The following P2RY12 variants were observed in gnomAD, a reference collection of about 807,000 sequenced individuals.
The protein encoded by P2RY12 is purinergic receptor P2Y12.
In P2RY12, 3 loss-of-function variants were observed where a neutral mutation model predicts 4.5. That is an observed-to-expected ratio of 0.67 (90% CI 0.31 to 1.74). The LOEUF (loss-of-function observed/expected upper bound fraction) is 1.74. P2RY12 is among the 40% of genes most tolerant of loss of function. The pLI is 0.09. For synonymous variants in P2RY12, 148 were observed against 154.1 expected (o/e 0.96, Z 0.29); for missense variants, 356 against 407.8 (o/e 0.87, Z 1.09).
At chr3:151,349,817 C>T (rs1395721405) in intron 1 of P2RY12, among the ~76,000 whole-genome samples, 2 of 150,596 alleles carry the variant, frequency 1.3e-5, no homozygotes, top group Non-Finnish European at 3.0e-5. Context: ...ACGCCCACAT[C>T]AAGTGCTTCT....
chr3:151,378,867 G>T (rs2108092933), intron 1 of P2RY12, among the ~76,000 whole-genome samples: 1 of 152,250 alleles, frequency 6.6e-6, no homozygotes, highest in East Asian at 1.9e-4. Context: ...TTTATTGACT[G>T]CTTACAGAAT....
intron 1 of P2RY12, among the ~76,000 whole-genome samples, chr3:151,361,872 G>T (rs1754648316): frequency 6.6e-6 from 1 of 152,046 alleles, no homozygotes; most frequent in Non-Finnish European, 1.5e-5. Context: ...CTTAGCACTT[G>T]CTACCCCCAC....
chr3:151,355,955 C>A, intron 1 of P2RY12: 1 of 1,614,124 alleles, frequency 6.2e-7, no homozygotes, highest in Non-Finnish European at 8.5e-7. Flanking sequence ...CCTATCATCT[C>A]CCTTTGGCTC....
intron 1 of P2RY12, among the ~76,000 whole-genome samples, chr3:151,347,973 T>C (rs1261892027): frequency 6.6e-6 from 1 of 152,192 alleles, no homozygotes; most frequent in Admixed American, 6.5e-5. Context: ...TCCTGTGCGA[T>C]GTGAGGAGCA....
intron 1 of P2RY12, among the ~76,000 whole-genome samples, chr3:151,363,638 A>G (rs1470236783): frequency 6.6e-6 from 1 of 152,208 alleles, no homozygotes; most frequent in East Asian, 1.9e-4. Flanking sequence ...AGTTGTCTAC[A>G]CAGAAAGAGA....
chr3:151,348,514 G>C (rs1365116744), intron 1 of P2RY12, among the ~76,000 whole-genome samples: 1 of 151,858 alleles, frequency 6.6e-6, no homozygotes. Context: ...TGAAAATTTG[G>C]GAGAGGTACT....
At chr3:151,360,235 T>G (rs1407381386) in intron 1 of P2RY12, among the ~76,000 whole-genome samples, 4 of 152,170 alleles carry the variant, frequency 2.6e-5, no homozygotes, top group Admixed American at 1.3e-4. Flanking sequence ...AGGAATTTCT[T>G]TCCTTGCTTT....
At chr3:151,366,562 G>GTGTATTTCTT (rs1231658768) in intron 1 of P2RY12, among the ~76,000 whole-genome samples, 3 of 152,166 alleles carry the variant, frequency 2.0e-5, no homozygotes, top group Non-Finnish European at 4.4e-5. Flanking sequence ...TCCATGATGT[G>GTGTATTTCTT]TGTATTTCTT....
chr3:151,365,191 A>G, intron 1 of P2RY12: 1 of 1,613,848 alleles, frequency 6.2e-7, no homozygotes, highest in Non-Finnish European at 8.5e-7. Flanking sequence ...TGTATGGGCC[A>G]TCAGGATGCT....
rs572303339 is a variant in P2RY12 at position 151,336,900 on chromosome 3, A to G, written c.*917T>C. The G allele has an allele frequency of 5.9e-4, 95 of 160,706 alleles. 1 individual carries two copies. In the Middle Eastern group the frequency reaches 9.1e-3, roughly 15 times the overall value. 10.0% of individuals were successfully genotyped at this position (160,706 alleles called of 1,614,324 possible). A position where few individuals can be genotyped will look rare whatever the true frequency, so the allele number is the denominator to read the frequency against. On this transcript the variant is annotated 3_prime_UTR_variant, in exon 3 of 3. Transcript: ENST00000302632. ...TTATACACACCAATACAAACAAGTAATTACAAACAGATCAATCACTTTCCT... is the reference window on the plus strand; with the variant it reads ...TTATACACACCAATACAAACAAGTAGTTACAAACAGATCAATCACTTTCCT...
chr3:151,339,116 A>ATAACC (rs1560047598), intron 2 of P2RY12, among the ~76,000 whole-genome samples: 2 of 152,096 alleles, frequency 1.3e-5, no homozygotes, highest in African/African-American at 4.8e-5. Context: ...TATTTGTTGA[A>ATAACC]TGTTTGCCTC....
At chr3:151,342,736 A>G (rs971297626) in intron 1 of P2RY12, among the ~76,000 whole-genome samples, 3 of 152,322 alleles carry the variant, frequency 2.0e-5, no homozygotes, top group African/African-American at 7.2e-5. Context: ...AAAGGGTTGT[A>G]TTGTTATTTT....
intron 2 of P2RY12, 69 bp downstream of exon 2, chr3:151,340,527 G>T (rs891302360): frequency 4.9e-4 from 75 of 152,606 alleles, no homozygotes; most frequent in African/African-American, 1.7e-3. Flanking sequence ...GAGAAACTTG[G>T]AAAAAATGTA....
intron 1 of P2RY12, chr3:151,349,944 G>T: frequency 1.2e-6 from 1 of 862,882 alleles, no homozygotes; most frequent in Non-Finnish European, 1.7e-6. Flanking sequence ...AGGGAGGGCG[G>T]GATGCCACCA....
chr3:151,360,489 C>T, intron 1 of P2RY12: 2 of 1,612,446 alleles, frequency 1.2e-6, no homozygotes, highest in South Asian at 2.2e-5. Context: ...GTGGTGTGGT[C>T]AAGCATGTCG....
intron 2 of P2RY12, among the ~76,000 whole-genome samples, chr3:151,339,349 A>G (rs963348673): frequency 6.6e-6 from 1 of 152,016 alleles, no homozygotes; most frequent in African/African-American, 2.4e-5. Context: ...ATTGCCTGTT[A>G]GAATCCTAAA....
At chr3:151,378,268 C>A in intron 1 of P2RY12, 2 of 1,222,130 alleles carry the variant, frequency 1.6e-6, no homozygotes, top group South Asian at 2.2e-5. Flanking sequence ...TACCCACAGT[C>A]CACTGAAATT....
chr3:151,384,186 C>T, intron 1 of P2RY12: 1 of 1,610,890 alleles, frequency 6.2e-7, no homozygotes, highest in Non-Finnish European at 8.5e-7. Flanking sequence ...AGAGAACAAG[C>T]GTGCATACAT....
chr3:151,354,155 A>C (rs1201794045), intron 1 of P2RY12, among the ~76,000 whole-genome samples: 1 of 150,538 alleles, frequency 6.6e-6, no homozygotes, highest in African/African-American at 2.4e-5. Flanking sequence ...AAAAAAAAAA[A>C]AAAAAAAAAG....
Sources: allele counts gnomAD v4.1 joint callset (sites outside exome capture counted in the v4.1 genomes callset), GRCh38; gene constraint gnomAD v4.1.1; transcripts MANE v1.5; gene names NCBI Gene and HGNC (gene_info 2026-07-23, HGNC 2026-07-21).